The following DIAPH2 variants were observed in gnomAD, a reference collection of about 807,000 sequenced individuals.
DIAPH2 encodes protein diaphanous homolog 2.
Under a neutral mutation model 92.7 loss-of-function variants are expected in DIAPH2, and 35 were observed. The observed-to-expected ratio is 0.38, with a 90% CI of 0.29 to 0.50. DIAPH2 has a LOEUF of 0.50. Among genes scored for constraint, DIAPH2 ranks in the 20% least tolerant of loss-of-function variants. DIAPH2 has a pLI of 0.94. For synonymous variants in DIAPH2, 301 were observed against 280.4 expected (o/e 1.07, Z -0.73); for missense variants, 701 against 819.5 (o/e 0.86, Z 1.77).
chrX:97,081,007 G>T (rs191703402), intron 19 of DIAPH2, among the ~76,000 whole-genome samples: 2 of 112,030 alleles, frequency 1.8e-5, no homozygotes, highest in East Asian at 5.6e-4. Flanking sequence ...GTCAATTAAG[G>T]CTATAATGGC....
intron 9 of DIAPH2, among the ~76,000 whole-genome samples, chrX:96,923,505 A>G (rs2147788251): frequency 8.9e-6 from 1 of 112,458 alleles, no homozygotes; most frequent in South Asian, 3.7e-4. Flanking sequence ...AGTAAGCCTC[A>G]TGGTGAGAAC....
intron 4 of DIAPH2, among the ~76,000 whole-genome samples, chrX:96,858,733 A>T (rs1434463161): frequency 8.9e-6 from 1 of 111,957 alleles, no homozygotes; most frequent in Non-Finnish European, 1.9e-5. Context: ...AATACTGTGG[A>T]TCCTAACTAT....
chrX:97,319,587 C>T (rs2068873552), intron 23 of DIAPH2, among the ~76,000 whole-genome samples: 1 of 109,676 alleles, frequency 9.1e-6, no homozygotes, highest in African/African-American at 3.3e-5. Context: ...GGAGTTTCAC[C>T]GTGTTAGCTA....
intron 17 of DIAPH2, among the ~76,000 whole-genome samples, chrX:96,975,479 AT>A (rs1484599073): frequency 8.9e-6 from 1 of 111,809 alleles, no homozygotes; most frequent in African/African-American, 3.2e-5. Flanking sequence ...CTAACAAATA[AT>A]TTGTCATCTT....
chrX:96,915,411 C>CTT (rs758048866), intron 7 of DIAPH2, among the ~76,000 whole-genome samples: 89 of 100,728 alleles, frequency 8.8e-4, no homozygotes, highest in African/African-American at 2.7e-3. Context: ...CTTGCATTTT[C>CTT]TTTTTTTTTT....
intron 26 of DIAPH2, among the ~76,000 whole-genome samples, chrX:97,490,637 AT>A (rs1208229118): frequency 3.7e-4 from 38 of 103,647 alleles, no homozygotes; most frequent in South Asian, 8.2e-4. Context: ...ATATTTTCTA[AT>A]TTTTTTTTTA....
intron 26 of DIAPH2, among the ~76,000 whole-genome samples, chrX:97,511,272 A>G (rs1395726974): frequency 1.1e-5 from 1 of 92,420 alleles, no homozygotes; most frequent in Non-Finnish European, 2.2e-5. Context: ...CTTTGAAGCA[A>G]TTGTGAATGG....
intron 23 of DIAPH2, among the ~76,000 whole-genome samples, chrX:97,281,531 T>G: frequency 9.0e-6 from 1 of 110,841 alleles, no homozygotes; most frequent in Non-Finnish European, 1.9e-5. Context: ...GATCACGAGG[T>G]CAGGAGATCG....
At position 97,599,675 on chromosome X, in the gene DIAPH2, C is replaced by A; in HGVS notation, c.*358C>A. The stretch of plus-strand genomic sequence containing the variant: ...TAAAATCTTAAATGTGTAAGTCACC[C>A]CCACCAAAAACAAAAGAGAAGAAAA... On this transcript the variant is annotated 3_prime_UTR_variant, in exon 27 of 27. Coordinates refer to ENST00000324765, the MANE Select transcript of DIAPH2 (RefSeq NM_006729.5). The A allele has an allele frequency of 1.0e-5, 1 of 98,314 alleles. No homozygotes were observed. Among genetic ancestry groups the A allele is most frequent in the Admixed American group, 1.2e-4 (1 of 8,338 alleles). 8.1% of individuals were successfully genotyped at this position (98,314 alleles called of 1,213,427 possible). A position where few individuals can be genotyped will look rare whatever the true frequency, so the allele number is the denominator to read the frequency against.
At chrX:97,276,457 G>A (rs1363028773) in intron 23 of DIAPH2, among the ~76,000 whole-genome samples, 1 of 111,913 alleles carries the variant, frequency 8.9e-6, no homozygotes, top group African/African-American at 3.2e-5. Flanking sequence ...GAAGACACCT[G>A]TTTATTAGTC....
chrX:97,144,066 C>G (rs1382646539), intron 22 of DIAPH2, among the ~76,000 whole-genome samples: 3 of 111,591 alleles, frequency 2.7e-5, no homozygotes, highest in Non-Finnish European at 5.7e-5. Flanking sequence ...GAAATAAGTT[C>G]TGGCCTGGTG....
chrX:97,532,912 C>G (rs751029488), intron 26 of DIAPH2, among the ~76,000 whole-genome samples: 8 of 111,802 alleles, frequency 7.2e-5, no homozygotes, highest in African/African-American at 2.6e-4. Context: ...TTGGTTTTGC[C>G]CGCTCTGTTT....
intron 24 of DIAPH2, among the ~76,000 whole-genome samples, chrX:97,373,806 A>G (rs2069473558): frequency 9.2e-6 from 1 of 109,103 alleles, no homozygotes; most frequent in African/African-American, 3.3e-5. Flanking sequence ...GGGTTTCTCC[A>G]TGTTGGTCAG....
rs767757051 is a variant in DIAPH2 at position 97,515,245 on chromosome X, A to C, written c.3242-84008A>C. ...TTTTTTAAGCCCGTCGGAAAAGCGC[A>C]GTATTCGGGTGGGAGTGATCCGATT... On this transcript the variant is annotated intron_variant, in intron 26 of 26. Coordinates refer to ENST00000324765, the MANE Select transcript of DIAPH2 (RefSeq NM_006729.5). 3.3e-3 allele frequency among the ~76,000 whole-genome samples: 371 copies of C among 112,567 alleles called. 2 individuals carry two copies. The highest frequency in any genetic ancestry group is 0.025 in the South Asian group (68 of 2,693).
At chrX:96,739,229 A>AACCTACATT (rs764175387) in intron 3 of DIAPH2, among the ~76,000 whole-genome samples, 58 of 111,865 alleles carry the variant, frequency 5.2e-4, no homozygotes, top group Middle Eastern at 4.2e-3. Flanking sequence ...ACATTCACAC[A>AACCTACATT]ACCTACATTT....
intron 23 of DIAPH2, among the ~76,000 whole-genome samples, chrX:97,276,693 C>T (rs187741144): frequency 1.6e-4 from 18 of 112,358 alleles, no homozygotes; most frequent in Non-Finnish European, 2.6e-4. Context: ...TACTTATCTC[C>T]TCCAGAGTTT....
intron 1 of DIAPH2, among the ~76,000 whole-genome samples, chrX:96,712,622 C>T (rs115740602): frequency 0.034 from 3,777 of 111,113 alleles, 159 homozygotes; most frequent in African/African-American, 0.12. Context: ...AGATTAATCT[C>T]ACATCAATCT....
intron 26 of DIAPH2, among the ~76,000 whole-genome samples, chrX:97,574,163 G>A (rs1235124052): frequency 4.5e-5 from 5 of 111,794 alleles, no homozygotes; most frequent in African/African-American, 1.3e-4. Context: ...TAATTCTGCC[G>A]TAAACTGACC....
chrX:97,314,786 A>G (rs2068827254), intron 23 of DIAPH2, among the ~76,000 whole-genome samples: 1 of 112,238 alleles, frequency 8.9e-6, no homozygotes. Flanking sequence ...TTAAATTTAG[A>G]AACAATAAAA....
Sources: gnomAD v4.1 joint callset for allele counts (sites outside exome capture counted in the v4.1 genomes callset) on GRCh38, gnomAD v4.1.1 for gene constraint, MANE v1.5 for transcripts, NCBI Gene and HGNC (gene_info 2026-07-23, HGNC 2026-07-21) for gene names.